The following ARMC8 variants were observed in gnomAD, a reference collection of about 807,000 sequenced individuals.
ARMC8 encodes armadillo repeat containing 8, also known as armadillo repeat-containing protein 8.
Under a neutral mutation model 99.3 loss-of-function variants are expected in ARMC8, and 20 were observed. The observed-to-expected ratio is 0.20, with a 90% CI of 0.14 to 0.29. ARMC8 has a LOEUF of 0.29. Ranked by LOEUF, ARMC8 falls within the 10% of genes least tolerant of loss-of-function variation. The pLI is 1.00. For synonymous variants in ARMC8, 263 were observed against 278.3 expected (o/e 0.95, Z 0.55); for missense variants, 569 against 809.5 (o/e 0.70, Z 3.60).
In ARMC8 at chr3:138,215,842, G is replaced by GTTTA. The variant is rs542446224; in HGVS notation, c.122+5972_122+5975dup. Among the ~76,000 whole-genome samples the GTTTA allele has an allele frequency of 1.4e-3, 219 of 151,414 alleles. 1 individual carries two copies. The highest frequency in any genetic ancestry group is 3.5e-3 in the African/African-American group (143 of 41,306). On this transcript the variant is annotated intron_variant, in intron 2 of 21. Coordinates refer to ENST00000469044, the MANE Select transcript of ARMC8 (RefSeq NM_001363941.2). ...AAATATTTACAGTAAACTTTTCATGGTTTATTTATTTATTTATTTATTTAT... is the reference window on the plus strand; with the variant it reads ...AAATATTTACAGTAAACTTTTCATGGTTTATTTATTTATTTATTTATTTATTTAT...
chr3:138,209,934 G>A (rs781380600), intron 2 of ARMC8, 41 bp downstream of exon 2: 3 of 1,473,528 alleles, frequency 2.0e-6, no homozygotes, highest in African/African-American at 2.8e-5. Context: ...AAAGTTGTTT[G>A]TTTTCATGTT....
chr3:138,276,612 T>C (rs2049321046), intron 18 of ARMC8, among the ~76,000 whole-genome samples: 1 of 152,210 alleles, frequency 6.6e-6, no homozygotes, highest in South Asian at 2.1e-4. Flanking sequence ...AAGGCAGTTG[T>C]ATTTTTATAT....
At chr3:138,255,808 C>T (rs2047371228) in intron 12 of ARMC8, among the ~76,000 whole-genome samples, 1 of 152,096 alleles carries the variant, frequency 6.6e-6, no homozygotes, top group Non-Finnish European at 1.5e-5. Flanking sequence ...GGTGAAACCC[C>T]ATGTCTACTA....
chr3:138,217,832 C>T (rs911736515), intron 2 of ARMC8, among the ~76,000 whole-genome samples: 5 of 152,226 alleles, frequency 3.3e-5, no homozygotes, highest in African/African-American at 1.2e-4. Context: ...TGTCTTCTCT[C>T]TAAGCTTTCT....
intron 2 of ARMC8, among the ~76,000 whole-genome samples, chr3:138,217,256 T>C (rs542309412): frequency 3.2e-4 from 48 of 152,262 alleles, no homozygotes; most frequent in African/African-American, 1.1e-3. Flanking sequence ...TTAGCTTGGG[T>C]CTCCAGTCTT....
intron 12 of ARMC8, among the ~76,000 whole-genome samples, chr3:138,260,058 T>C (rs1468021794): frequency 3.3e-5 from 5 of 152,220 alleles, no homozygotes; most frequent in Admixed American, 6.5e-5. Flanking sequence ...AGCAAGGGCT[T>C]TCTCTTCCTC....
chr3:138,229,025 A>G lies in ARMC8; in HGVS notation c.528+15A>G. 1.9e-6 allele frequency: 3 copies of G among 1,574,104 alleles called. No individual in the cohort carries two copies. Among genetic ancestry groups the G allele is most frequent in the Non-Finnish European group, 2.6e-6 (3 of 1,150,874 alleles). On this transcript the variant is annotated intron_variant, in intron 6 of 21. Transcript: ENST00000469044. Reference sequence around the variant, plus strand: ...ACTGCTGTAAAGTAAGAACCAGAATAAATGTTATCTATAATGTAAAATCTT... The same window carrying G: ...ACTGCTGTAAAGTAAGAACCAGAATGAATGTTATCTATAATGTAAAATCTT...
rs761090218 is a variant in ARMC8 at position 138,274,477 on chromosome 3, G to A, written c.1658G>A (p.Gly553Glu). The change falls in exon 18 of 22, where the codon GGA (glycine) becomes GAA (glutamate). Residue 553 changes from glycine to glutamate, a missense_variant. Around this residue, in one of 2 missense-constraint regions of ARMC8, gnomAD observed 227 missense variants for 417.9 expected, o/e 0.54. Transcript: ENST00000469044. ...ATAGATAAAATAATGAGTACTCATGGAAAGCAAATTATGCAAGCCGTCACT... is the reference window on the plus strand; with the variant it reads ...ATAGATAAAATAATGAGTACTCATGAAAAGCAAATTATGCAAGCCGTCACT... ...PHIDKIMSTH[G>E]KQIMQAVTLI... is the part of the protein sequence containing the mutation. The A allele has an allele frequency of 6.2e-7, 1 of 1,611,748 alleles. No individual in the cohort carries two copies.
intron 18 of ARMC8, among the ~76,000 whole-genome samples, chr3:138,278,028 C>T (rs764428124): frequency 6.6e-6 from 1 of 152,092 alleles, no homozygotes; most frequent in Admixed American, 6.5e-5. Context: ...TATATGATCC[C>T]ATCTATATGA....
At chr3:138,271,963 A>G (rs1328849912) in intron 16 of ARMC8, among the ~76,000 whole-genome samples, 1 of 152,032 alleles carries the variant, frequency 6.6e-6, no homozygotes, top group Non-Finnish European at 1.5e-5. Flanking sequence ...ACCTGGCTAT[A>G]CAAGAGATTT....
chr3:138,289,058 A>T lies in ARMC8; in HGVS notation c.1832A>T (p.His611Leu), dbSNP rs1259424058. 1.2e-6 allele frequency: 2 copies of T among 1,612,862 alleles called. No individual in the cohort carries two copies. The highest frequency in any genetic ancestry group is 1.7e-6 in the Non-Finnish European group (2 of 1,179,246). Residue 611 changes from histidine (H) to leucine (L), a missense_variant, in exon 20 of 22, where the codon CAT becomes CTT. His to Leu is a moderately conservative substitution (Grantham distance 99). This residue lies in a region of ARMC8 where 227 missense variants were observed against 417.9 expected (regional missense o/e 0.54). Transcript: ENST00000469044. ...QKIKYYMGHSHVKLQLAAMFC... is the reference protein window; with the variant it reads ...QKIKYYMGHSLVKLQLAAMFC... ...TTTCTGTATTAATAGGGCCATTCAC[A>T]TGTTAAACTGCAGCTTGCAGCCATG...
At chr3:138,295,197 C>T (rs2051363792) in intron 21 of ARMC8, among the ~76,000 whole-genome samples, 1 of 152,190 alleles carries the variant, frequency 6.6e-6, no homozygotes. Context: ...CAGCACCCGG[C>T]CTACATTCTA....
At chr3:138,203,758 C>T (rs1397799125) in intron 1 of ARMC8, among the ~76,000 whole-genome samples, 1 of 152,232 alleles carries the variant, frequency 6.6e-6, no homozygotes, top group African/African-American at 2.4e-5. Context: ...AAAAGGAAAA[C>T]TGCTTCCACA....
At chr3:138,228,283 A>G (rs1389308576) in intron 5 of ARMC8, among the ~76,000 whole-genome samples, 10 of 152,196 alleles carry the variant, frequency 6.6e-5, no homozygotes, top group Admixed American at 6.5e-4. Flanking sequence ...CCTGGCCTGC[A>G]TTCTAAATAA....
At chr3:138,206,864 T>C (rs2044398209) in intron 1 of ARMC8, among the ~76,000 whole-genome samples, 1 of 152,234 alleles carries the variant, frequency 6.6e-6, no homozygotes, top group South Asian at 2.1e-4. Flanking sequence ...CTTATATGAT[T>C]ATTTTTGCGT....
chr3:138,294,662 C>T (rs1416963951), intron 21 of ARMC8, among the ~76,000 whole-genome samples: 1 of 152,120 alleles, frequency 6.6e-6, no homozygotes, highest in Non-Finnish European at 1.5e-5. Context: ...AGCTATTGTA[C>T]CTGAACATTG....
chr3:138,263,416 A>T (rs1447397809), intron 12 of ARMC8: 2 of 265,524 alleles, frequency 7.5e-6, no homozygotes, highest in Non-Finnish European at 1.5e-5. Context: ...GAGTTCATTT[A>T]TTTCTTTTCC....
rs762759778 is a variant in ARMC8, at chr3:138,290,588, T to C, written c.1937T>C (p.Val646Ala). ...GATAAATTACGAGACATGGGCATCG[T>C]AGATATTCTACACAAACTGAGTCAG... Reference protein sequence around the residue: ...RQDKLRDMGIVDILHKLSQSP... With the variant: ...RQDKLRDMGIADILHKLSQSP... The change falls in exon 21 of 22, where the codon GTA (valine) becomes GCA (alanine). Residue 646 changes from valine (V) to alanine (A), a missense_variant. Physicochemically the swap from Val to Ala is moderately conservative, Grantham distance 64. Transcript: ENST00000469044. 2 of 1,607,808 alleles carry C rather than the reference T, an allele frequency of 1.2e-6. No homozygotes were observed. Among genetic ancestry groups the C allele is most frequent in the East Asian group, 2.2e-5 (1 of 44,764 alleles).
intron 18 of ARMC8, among the ~76,000 whole-genome samples, chr3:138,282,917 T>C (rs1465953899): frequency 6.6e-6 from 1 of 152,206 alleles, no homozygotes. Context: ...GTATTGTTCC[T>C]ACCAAGAAAT....
Sources: allele counts gnomAD v4.1 joint callset (sites outside exome capture counted in the v4.1 genomes callset), GRCh38; gene constraint gnomAD v4.1.1; regional missense constraint gnomAD v4.1.1; transcripts MANE v1.5; gene names NCBI Gene and HGNC (gene_info 2026-07-23, HGNC 2026-07-21).